ALDH1A2: variants seen among roughly 807,000 people sequenced by gnomAD.
The protein encoded by ALDH1A2 is retinal dehydrogenase 2.
ALDH1A2 carries 27 observed loss-of-function variants against 60.3 expected under a neutral mutation model. The ratio of observed to expected loss-of-function variants is 0.45; its 90% CI spans 0.33 to 0.62. The LOEUF is 0.62. Ranked by LOEUF, ALDH1A2 falls within the 20% of genes least tolerant of loss-of-function variation. The pLI, the probability that ALDH1A2 is intolerant of heterozygous loss-of-function variation, is 0.02. For missense variants in ALDH1A2, 581 were observed against 643.8 expected (o/e 0.90, Z 1.06); for synonymous variants, 289 against 232.4 (o/e 1.24, Z -2.21).
chr15:58,056,179 G>C (rs1423383508), intron 1 of ALDH1A2, among the ~76,000 whole-genome samples: 1 of 152,106 alleles, frequency 6.6e-6, no homozygotes, highest in Non-Finnish European at 1.5e-5. Flanking sequence ...GTTTTATACA[G>C]TGGCCGCCTA....
chr15:58,020,229 A>C (rs1895889920), intron 1 of ALDH1A2, among the ~76,000 whole-genome samples: 1 of 152,166 alleles, frequency 6.6e-6, no homozygotes, highest in African/African-American at 2.4e-5. Context: ...ATTGATGGGT[A>C]TTTGGGTTGA....
chr15:57,957,451 C>G (rs1228594420), intron 12 of ALDH1A2, among the ~76,000 whole-genome samples: 1 of 152,178 alleles, frequency 6.6e-6, no homozygotes, highest in Admixed American at 6.5e-5. Flanking sequence ...GCCCTGAAGT[C>G]TCGATTCTTA....
At chr15:58,044,080 G>A (rs972472990) in intron 1 of ALDH1A2, among the ~76,000 whole-genome samples, 34 of 152,122 alleles carry the variant, frequency 2.2e-4, no homozygotes, top group Non-Finnish European at 4.7e-4. Flanking sequence ...TTTTGCTGAT[G>A]TCTATTTGAA....
At chr15:57,990,875 C>CAAA (rs34227301) in intron 7 of ALDH1A2, among the ~76,000 whole-genome samples, 4,184 of 111,460 alleles carry the variant, frequency 0.038, 152 homozygotes, top group South Asian at 0.056. Context: ...AACTCCATCT[C>CAAA]AAAAAAAAAA....
At chr15:58,017,219 C>T (rs1257933418) in intron 1 of ALDH1A2, among the ~76,000 whole-genome samples, 2 of 152,132 alleles carry the variant, frequency 1.3e-5, no homozygotes, top group Non-Finnish European at 2.9e-5. Context: ...GTATTTTGCA[C>T]AAGAACCTGG....
intron 1 of ALDH1A2, among the ~76,000 whole-genome samples, chr15:58,023,547 C>A (rs755423353): frequency 6.6e-6 from 1 of 150,972 alleles, no homozygotes; most frequent in Non-Finnish European, 1.5e-5. Context: ...ACAACAGCAA[C>A]AGAAAAGCAT....
At chr15:58,047,053 T>C (rs796731892) in intron 1 of ALDH1A2, among the ~76,000 whole-genome samples, 9 of 152,130 alleles carry the variant, frequency 5.9e-5, no homozygotes, top group African/African-American at 2.2e-4. Flanking sequence ...ATCGCACTTG[T>C]CAGCCCACAG....
chr15:58,054,440 G>C (rs1329819007), intron 1 of ALDH1A2, among the ~76,000 whole-genome samples: 2 of 152,038 alleles, frequency 1.3e-5, no homozygotes, highest in Admixed American at 1.3e-4. Context: ...TTGTGTTGCT[G>C]AAACTCAAAG....
In ALDH1A2 at chr15:57,962,899, C is replaced by T. The variant is rs56161356; in HGVS notation, c.1087-723G>A. 2.0e-5 allele frequency among the ~76,000 whole-genome samples: 3 copies of T among 152,168 alleles called. No homozygotes were observed. In the South Asian group the frequency reaches 6.2e-4, roughly 32 times the overall value. ...CTGGTCCAGGTTCCTTCTGAAAATT[C>T]TCAGAACCTGTCTACAGATTAAAAC... On this transcript the variant is annotated intron_variant, in intron 9 of 12. Transcript: ENST00000249750.
intron 4 of ALDH1A2, among the ~76,000 whole-genome samples, chr15:58,007,889 G>T (rs1895510319): frequency 1.3e-5 from 2 of 151,562 alleles, no homozygotes; most frequent in Non-Finnish European, 2.9e-5. Context: ...TTAATTTACT[G>T]AACAAATTTG....
intron 1 of ALDH1A2, among the ~76,000 whole-genome samples, chr15:58,023,855 G>A (rs1252983654): frequency 6.6e-6 from 1 of 152,134 alleles, no homozygotes; most frequent in African/African-American, 2.4e-5. Context: ...ATTTTGGGAG[G>A]CCGAGGTGGG....
chr15:57,972,856 T>C (rs1177572585), intron 7 of ALDH1A2, among the ~76,000 whole-genome samples: 1 of 152,300 alleles, frequency 6.6e-6, no homozygotes, highest in Middle Eastern at 3.4e-3. Context: ...TAGCTGTTTA[T>C]AGCTAAAACT....
rs1239094806 is a variant in ALDH1A2, at chr15:57,993,954, C to A, written c.556-881G>T. Among the ~76,000 whole-genome samples the A allele has an allele frequency of 3.3e-5, 5 of 152,194 alleles. No homozygotes were observed. The South Asian group carries it at 1.0e-3, about 32-fold the overall frequency. ...AAGTGTCTTGCCTTCACCAAACACC[C>A]AATTTCTTTTCCCCTTAGTTGTTTA... is the stretch of plus-strand genomic sequence containing the variant. On this transcript the variant is annotated intron_variant, in intron 5 of 12. Transcript: ENST00000249750.
intron 7 of ALDH1A2, chr15:57,991,388 C>T (rs1401228612): frequency 1.3e-5 from 2 of 152,068 alleles, no homozygotes; most frequent in African/African-American, 2.4e-5. Context: ...AAGGTTAACT[C>T]GACAAACACA....
intron 12 of ALDH1A2, among the ~76,000 whole-genome samples, chr15:57,959,695 A>G (rs760546220): frequency 6.6e-6 from 1 of 152,220 alleles, no homozygotes; most frequent in Admixed American, 6.5e-5. Flanking sequence ...ACTGAGGCTT[A>G]GATTAAGTAA....
At chr15:58,040,201 C>A (rs1412280617) in intron 1 of ALDH1A2, among the ~76,000 whole-genome samples, 1 of 151,936 alleles carries the variant, frequency 6.6e-6, no homozygotes, top group Non-Finnish European at 1.5e-5. Context: ...GAACACCTCT[C>A]TGCATATTCT....
intron 1 of ALDH1A2, among the ~76,000 whole-genome samples, chr15:58,028,637 G>A (rs374489168): frequency 2.6e-5 from 4 of 152,290 alleles, no homozygotes; most frequent in East Asian, 3.9e-4. Flanking sequence ...CCATAAGTAT[G>A]CTGTATTCAA....
At chr15:58,058,085 T>A in intron 1 of ALDH1A2, 1 of 1,533,988 alleles carries the variant, frequency 6.5e-7, no homozygotes, top group South Asian at 1.2e-5. Flanking sequence ...AAAAGGATTC[T>A]GCCAGCAAGT....
chr15:58,032,256 C>T lies in ALDH1A2; in HGVS notation c.118-17975G>A, dbSNP rs561139208. On this transcript the variant is annotated intron_variant, in intron 1 of 12. Coordinates refer to ENST00000249750, the MANE Select transcript of ALDH1A2 (RefSeq NM_003888.4). Reference sequence around the variant, plus strand: ...CATTCTCAGCAAACTATTGCAAGGACGAAAAACCAAACACCACATGTTCTC... The same window carrying T: ...CATTCTCAGCAAACTATTGCAAGGATGAAAAACCAAACACCACATGTTCTC... 4.0e-5 allele frequency among the ~76,000 whole-genome samples: 6 copies of T among 151,830 alleles called. No homozygotes were observed. The East Asian group carries it at 5.8e-4, about 15-fold the overall frequency.
Sources: gnomAD v4.1 joint callset for allele counts (sites outside exome capture counted in the v4.1 genomes callset) on GRCh38, gnomAD v4.1.1 for gene constraint, MANE v1.5 for transcripts, NCBI Gene and HGNC (gene_info 2026-07-23, HGNC 2026-07-21) for gene names.